GDAP1: variants seen among roughly 807,000 people sequenced by gnomAD.
The protein encoded by GDAP1 is ganglioside induced differentiation associated protein 1.
In GDAP1, 34 loss-of-function variants were observed where a neutral mutation model predicts 40.1. That is an observed-to-expected ratio of 0.85 (90% CI 0.64 to 1.13). The LOEUF is 1.13. Among genes scored for constraint, GDAP1 ranks in the 50% most tolerant of loss-of-function variants. The probability of loss-of-function intolerance (pLI) is 0.00; values close to 1 mark genes in which losing one functional copy is unlikely to be tolerated. For synonymous variants in GDAP1, 170 were observed against 157.4 expected (o/e 1.08, Z -0.60); for missense variants, 374 against 433.7 (o/e 0.86, Z 1.22).
chr8:74,424,215 T>C (rs1479154958), intron 2 of GDAP1, among the ~76,000 whole-genome samples: 5 of 152,146 alleles, frequency 3.3e-5, no homozygotes, highest in African/African-American at 1.2e-4. Flanking sequence ...ATAATTGTTA[T>C]ACTGTATTGT....
At chr8:74,395,422 T>C (rs1810179629) in intron 2 of GDAP1, among the ~76,000 whole-genome samples, 1 of 152,186 alleles carries the variant, frequency 6.6e-6, no homozygotes, top group East Asian at 1.9e-4. Context: ...CTTAATTTCA[T>C]GTCCTTTCTC....
intron 2 of GDAP1, among the ~76,000 whole-genome samples, chr8:74,381,957 A>C (rs1314302090): frequency 6.6e-6 from 1 of 151,622 alleles, no homozygotes. Flanking sequence ...TTTCGCCTTC[A>C]TTTCCTTTAA....
intron 2 of GDAP1, among the ~76,000 whole-genome samples, chr8:74,468,148 A>G (rs1267408663): frequency 6.6e-6 from 1 of 151,888 alleles, no homozygotes; most frequent in Non-Finnish European, 1.5e-5. Flanking sequence ...ACATACAAGC[A>G]CCATACTCTT....
chr8:74,423,438 A>G (rs1294014742), intron 2 of GDAP1, among the ~76,000 whole-genome samples: 2 of 148,348 alleles, frequency 1.3e-5, no homozygotes. Context: ...TTGTATATAT[A>G]AAAGTATATA....
chr8:74,366,098 G>A lies in GDAP1; in HGVS notation c.*1731G>A. The A allele has an allele frequency of 2.3e-6, 1 of 441,738 alleles. No individual in the cohort carries two copies. The highest frequency in any genetic ancestry group is 1.7e-5 in the South Asian group (1 of 60,604). 27.4% of individuals were successfully genotyped at this position (441,738 alleles called of 1,614,324 possible). A position where few individuals can be genotyped will look rare whatever the true frequency, so the allele number is the denominator to read the frequency against. Reference sequence around the variant, plus strand: ...AAGTTGTTAAGAATAAAAATTAGAAGTCCATGGTTAACTTTTCCTTCAATT... The same window carrying A: ...AAGTTGTTAAGAATAAAAATTAGAAATCCATGGTTAACTTTTCCTTCAATT... On this transcript the variant is annotated 3_prime_UTR_variant, in exon 6 of 6. Transcript: ENST00000220822.
chr8:74,481,111 C>T (rs1806705406), intron 2 of GDAP1, among the ~76,000 whole-genome samples: 1 of 152,184 alleles, frequency 6.6e-6, no homozygotes, highest in African/African-American at 2.4e-5. Context: ...TTTCATTTAA[C>T]AGTTGAAGAA....
Position 74,361,788 on chromosome 8 carries a change from G to T in GDAP1, c.485-96G>T, listed in dbSNP as rs190574113. 73 of 777,314 alleles carry T rather than the reference G, an allele frequency of 9.4e-5. 1 individual carries two copies. In the African/African-American group the frequency reaches 1.1e-3, roughly 12 times the overall value. The allele number at this position is 777,314 out of a possible 1,614,324, so 48.2% of individuals were successfully genotyped here. Reference sequence around the variant, plus strand: ...AGAGAAGCAGGGCATGAGCCCCAGAGCTCATGCTCTTGTCATTGAGTTTCT... The same window carrying T: ...AGAGAAGCAGGGCATGAGCCCCAGATCTCATGCTCTTGTCATTGAGTTTCT... On this transcript the variant is annotated intron_variant, in intron 3 of 5. Transcript: ENST00000220822.
At chr8:74,435,524 C>A (rs1323860924) in intron 2 of GDAP1, among the ~76,000 whole-genome samples, 1 of 152,152 alleles carries the variant, frequency 6.6e-6, no homozygotes, top group East Asian at 1.9e-4. Context: ...GGATAATTTG[C>A]ATGGTTGTAA....
chr8:74,383,118 A>G (rs767486016), intron 2 of GDAP1, among the ~76,000 whole-genome samples: 23 of 152,228 alleles, frequency 1.5e-4, no homozygotes, highest in Non-Finnish European at 2.9e-4. Context: ...CCAAAGTCCC[A>G]TGAAACATGA....
intron 2 of GDAP1, among the ~76,000 whole-genome samples, chr8:74,454,960 G>A (rs536372292): frequency 3.9e-5 from 6 of 152,036 alleles, no homozygotes; most frequent in African/African-American, 1.2e-4. Context: ...CGGGATTGGG[G>A]CTGTTGATGA....
rs1135715 is a variant in GDAP1, at chr8:74,364,724, A to G, written c.*357A>G. 0.21 allele frequency: 95,929 copies of G among 467,504 alleles called. 11,111 individuals carry two copies. Among genetic ancestry groups the G allele is most frequent in the Admixed American group, 0.37 (15,703 of 42,898 alleles). The allele number at this position is 467,504 out of a possible 1,614,324, so 29.0% of individuals were successfully genotyped here. On this transcript the variant is annotated 3_prime_UTR_variant, in exon 6 of 6. Coordinates refer to ENST00000220822, the MANE Select transcript of GDAP1 (RefSeq NM_018972.4). ...ATTTAGTTACTTGTGGCTACTGCCC[A>G]CACATACACTTCTGTAATTGAGAAC...
chr8:74,373,926 G>A (rs925173487), intron 2 of GDAP1, among the ~76,000 whole-genome samples: 64 of 152,074 alleles, frequency 4.2e-4, no homozygotes, highest in Non-Finnish European at 6.3e-4. Context: ...TTTGAGATGC[G>A]TCCCATCAAT....
chr8:74,398,072 G>T (rs7350096), intron 2 of GDAP1, among the ~76,000 whole-genome samples: 9 of 150,980 alleles, frequency 6.0e-5, no homozygotes, highest in African/African-American at 2.2e-4. Flanking sequence ...GGTCCTTCAC[G>T]TCCCTTGTAA....
At chr8:74,362,808 GA>G in intron 4 of GDAP1, 130 bp from the exon 5 acceptor site, 1 of 75,822 alleles carries the variant, frequency 1.3e-5, no homozygotes. Context: ...TTTTTTTGCT[GA>G]GTTTTTCTAT....
intron 2 of GDAP1, among the ~76,000 whole-genome samples, chr8:74,413,981 A>T (rs1227289611): frequency 4.7e-5 from 7 of 150,168 alleles, no homozygotes; most frequent in Non-Finnish European, 8.8e-5. Context: ...TTAAAAAAGC[A>T]TATGTAGACT....
intron 2 of GDAP1, among the ~76,000 whole-genome samples, chr8:74,484,026 T>G (rs1251417219): frequency 6.6e-6 from 1 of 152,176 alleles, no homozygotes; most frequent in Non-Finnish European, 1.5e-5. Context: ...CCTTCTTTAT[T>G]GGAGGCAAGA....
At chr8:74,352,031 TTTC>T (rs1435459910) in intron 2 of GDAP1, among the ~76,000 whole-genome samples, 1 of 152,242 alleles carries the variant, frequency 6.6e-6, no homozygotes, top group Admixed American at 6.5e-5. Flanking sequence ...CATTTTATAA[TTTC>T]TTCAATAATG....
At chr8:74,433,866 G>A (rs1303603609) in intron 2 of GDAP1, among the ~76,000 whole-genome samples, 1 of 152,156 alleles carries the variant, frequency 6.6e-6, no homozygotes, top group African/African-American at 2.4e-5. Flanking sequence ...CTGAAGGCCT[G>A]GTGAGCTTCC....
At chr8:74,387,313 G>C (rs1258524092) in intron 2 of GDAP1, among the ~76,000 whole-genome samples, 6 of 152,186 alleles carry the variant, frequency 3.9e-5, no homozygotes, top group Non-Finnish European at 7.3e-5. Context: ...TATTGGCCAT[G>C]GGTTTGTCAT....
Sources: allele counts gnomAD v4.1 joint callset (sites outside exome capture counted in the v4.1 genomes callset), GRCh38; gene constraint gnomAD v4.1.1; transcripts MANE v1.5; gene names NCBI Gene and HGNC (gene_info 2026-07-23, HGNC 2026-07-21).